The following PLCL1 variants were observed in gnomAD, a reference collection of about 807,000 sequenced individuals.
PLCL1 encodes the protein inactive phospholipase C-like protein 1.
Under a neutral mutation model 84.4 loss-of-function variants are expected in PLCL1, and 41 were observed. The observed-to-expected ratio is 0.49, with a 90% CI of 0.38 to 0.63. PLCL1 has a LOEUF of 0.63. Ranked by LOEUF, PLCL1 falls within the 30% of genes least tolerant of loss-of-function variation. The pLI is 0.00. For missense variants in PLCL1, 1,206 were observed against 1,367.8 expected (o/e 0.88, Z 1.87); for synonymous variants, 490 against 488.3 (o/e 1.00, Z -0.05).
intron 3 of PLCL1, 134 bp downstream of exon 3, chr2:198,089,195 A>G (rs770252755): frequency 5.6e-5 from 38 of 678,668 alleles, no homozygotes; most frequent in Non-Finnish European, 9.0e-5. Context: ...GGTAGCATGC[A>G]GAGCCGGCCC....
chr2:198,079,289 A>G (rs1199048332), intron 1 of PLCL1, among the ~76,000 whole-genome samples: 1 of 151,468 alleles, frequency 6.6e-6, no homozygotes, highest in Non-Finnish European at 1.5e-5. Context: ...TACAATTATT[A>G]AAAATATTAA....
At chr2:198,002,282 A>G (rs966792380) in intron 1 of PLCL1, among the ~76,000 whole-genome samples, 2 of 152,104 alleles carry the variant, frequency 1.3e-5, no homozygotes, top group Admixed American at 1.3e-4. Flanking sequence ...TAGTGCTGCC[A>G]TGAACATTCT....
At chr2:198,065,191 G>C (rs964286559) in intron 1 of PLCL1, among the ~76,000 whole-genome samples, 1 of 152,070 alleles carries the variant, frequency 6.6e-6, no homozygotes, top group Non-Finnish European at 1.5e-5. Context: ...TTTCTTTGGT[G>C]GTAGTCCTTT....
At chr2:197,972,315 A>G (rs1250008951) in intron 1 of PLCL1, among the ~76,000 whole-genome samples, 2 of 152,232 alleles carry the variant, frequency 1.3e-5, no homozygotes, top group Non-Finnish European at 2.9e-5. Flanking sequence ...TCCAAAATAA[A>G]TTCAGTATGA....
intron 1 of PLCL1, among the ~76,000 whole-genome samples, chr2:197,930,859 A>G (rs1201563208): frequency 6.6e-6 from 1 of 152,158 alleles, no homozygotes; most frequent in African/African-American, 2.4e-5. Flanking sequence ...TCTTTTTTCT[A>G]TCTGGGAAGG....
rs1692854993 is a variant in PLCL1, at chr2:198,085,586, G to C, written c.2069G>C (p.Gly690Ala). ...LHTGWFLQNG[G>A]CGYVLRPSIM... ...ACGGGCTGGTTTCTTCAAAACGGGGGATGTGGTTATGTTCTAAGGCCGTCT... is the reference window on the plus strand; with the variant it reads ...ACGGGCTGGTTTCTTCAAAACGGGGCATGTGGTTATGTTCTAAGGCCGTCT... Residue 690 changes from glycine (G) to alanine (A), a missense_variant, in exon 2 of 6, where the codon GGA (glycine) becomes GCA (alanine). Physicochemically the swap from Gly to Ala is moderately conservative, Grantham distance 60. Coordinates refer to ENST00000428675, the MANE Select transcript of PLCL1 (RefSeq NM_006226.4). The surrounding 1 kb of genome is among the most constrained non-coding windows in gnomAD (Gnocchi z 5.3). The C allele has an allele frequency of 4.3e-6, 7 of 1,614,104 alleles. No individual in the cohort carries two copies. In the East Asian group the frequency reaches 1.6e-4, roughly 36 times the overall value.
intron 1 of PLCL1, among the ~76,000 whole-genome samples, chr2:197,833,721 G>T (rs192668686): frequency 6.6e-6 from 1 of 152,178 alleles, no homozygotes; most frequent in African/African-American, 2.4e-5. Flanking sequence ...AATCAATATA[G>T]TGAAAATGGC....
chr2:198,047,331 A>G (rs1691830660), intron 1 of PLCL1, among the ~76,000 whole-genome samples: 1 of 152,076 alleles, frequency 6.6e-6, no homozygotes, highest in African/African-American at 2.4e-5. Context: ...CTACAGGTGC[A>G]CGCCACCAGG....
In PLCL1 at chr2:197,841,946, A is replaced by G. The variant is rs535813663; in HGVS notation, c.240+36607A>G. Among the ~76,000 whole-genome samples the G allele has an allele frequency of 2.0e-5, 3 of 152,328 alleles. No homozygotes were observed. In the South Asian group the frequency reaches 6.2e-4, roughly 32 times the overall value. On this transcript the variant is annotated intron_variant, in intron 1 of 5. Transcript: ENST00000428675. Reference sequence around the variant, plus strand: ...TAGCTTAGTTTTATTGAAGACATGTAGGGAAGATCTTCCCTTCTCTATTCT... The same window carrying G: ...TAGCTTAGTTTTATTGAAGACATGTGGGGAAGATCTTCCCTTCTCTATTCT...
intron 1 of PLCL1, among the ~76,000 whole-genome samples, chr2:197,872,100 G>T (rs1483577625): frequency 1.3e-5 from 2 of 152,128 alleles, no homozygotes; most frequent in Non-Finnish European, 2.9e-5. Flanking sequence ...TATTTACAAT[G>T]CTGGAAGATG....
chr2:198,081,650 AATTGGGTAATT>A (rs1692717075), intron 1 of PLCL1, among the ~76,000 whole-genome samples: 1 of 152,188 alleles, frequency 6.6e-6, no homozygotes, highest in Admixed American at 6.5e-5. Flanking sequence ...CTGTAATCTA[AATTGGGTAATT>A]TATATCATTG....
intron 1 of PLCL1, among the ~76,000 whole-genome samples, chr2:198,030,722 G>T (rs1691390133): frequency 6.6e-6 from 1 of 152,168 alleles, no homozygotes; most frequent in Non-Finnish European, 1.5e-5. Flanking sequence ...TGAGAAAACT[G>T]CAGCATAGAG....
chr2:198,004,823 G>C (rs1307877606), intron 1 of PLCL1, among the ~76,000 whole-genome samples: 2 of 152,210 alleles, frequency 1.3e-5, no homozygotes, highest in East Asian at 1.9e-4. Flanking sequence ...GCATCTTTTT[G>C]TATAAGAAGT....
At chr2:197,947,467 G>A (rs1689304405) in intron 1 of PLCL1, among the ~76,000 whole-genome samples, 1 of 151,972 alleles carries the variant, frequency 6.6e-6, no homozygotes, top group South Asian at 2.1e-4. Flanking sequence ...CTGGAGCTGG[G>A]CAGAGGGTGA....
At chr2:197,890,173 A>C (rs1039497802) in intron 1 of PLCL1, among the ~76,000 whole-genome samples, 4 of 152,218 alleles carry the variant, frequency 2.6e-5, no homozygotes, top group African/African-American at 9.6e-5. Context: ...GACAACAGAT[A>C]GTTTCTTTAT....
chr2:197,897,198 C>T (rs140173481), intron 1 of PLCL1, among the ~76,000 whole-genome samples: 10,317 of 30,942 alleles, frequency 0.33, 1,732 homozygotes, highest in South Asian at 0.42. Context: ...TCTCCTTCTC[C>T]TTCTTCTTTC....
chr2:198,003,699 G>T (rs567547070), intron 1 of PLCL1, among the ~76,000 whole-genome samples: 2 of 152,262 alleles, frequency 1.3e-5, no homozygotes, highest in East Asian at 1.9e-4. Context: ...AAAGTGGTTT[G>T]CAGAAGAATA....
chr2:198,030,203 C>T (rs755808490), intron 1 of PLCL1, among the ~76,000 whole-genome samples: 4 of 151,822 alleles, frequency 2.6e-5, no homozygotes, highest in Non-Finnish European at 5.9e-5. Context: ...ATATGTTGTT[C>T]CCCTATATGT....
chr2:197,849,163 G>A (rs1687176651), intron 1 of PLCL1, among the ~76,000 whole-genome samples: 1 of 152,136 alleles, frequency 6.6e-6, no homozygotes, highest in Admixed American at 6.5e-5. Context: ...ATGGTAGCAG[G>A]CAAGAGAGTA....
Sources: allele counts gnomAD v4.1 joint callset (sites outside exome capture counted in the v4.1 genomes callset), GRCh38; gene constraint gnomAD v4.1.1; non-coding constraint Gnocchi (gnomAD v3.1); transcripts MANE v1.5; gene names NCBI Gene and HGNC (gene_info 2026-07-23, HGNC 2026-07-21).